The following HCN1 variants were observed in gnomAD, a reference collection of about 807,000 sequenced individuals.
HCN1 encodes hyperpolarization activated cyclic nucleotide gated potassium channel 1, also known as potassium/sodium hyperpolarization-activated cyclic nucleotide-gated channel 1.
Under a neutral mutation model 78.9 loss-of-function variants are expected in HCN1, and 13 were observed. That is an observed-to-expected ratio of 0.16 (90% CI 0.11 to 0.26). The LOEUF is 0.26. HCN1 is among the 10% of genes least tolerant of loss of function. The probability of loss-of-function intolerance (pLI) is 1.00; values close to 1 mark genes in which losing one functional copy is unlikely to be tolerated. For synonymous variants in HCN1, 552 were observed against 455.5 expected, an observed-to-expected ratio of 1.21 and a Z score of -2.70; for missense variants, 810 against 1,154.3, an observed-to-expected ratio of 0.70 and a Z score of 4.32.
chr5:45,651,668 C>T (rs1366530362), intron 1 of HCN1, among the ~76,000 whole-genome samples: 1 of 151,884 alleles, frequency 6.6e-6, no homozygotes, highest in African/African-American at 2.4e-5. Flanking sequence ...CTCTTAAATG[C>T]TAGGTCCTCT....
At chr5:45,377,736 G>T (rs1747713248) in intron 4 of HCN1, among the ~76,000 whole-genome samples, 1 of 151,962 alleles carries the variant, frequency 6.6e-6, no homozygotes, top group South Asian at 2.1e-4. Flanking sequence ...TAGAAGTCAG[G>T]TAGGTATGTG....
In HCN1 at chr5:45,386,142, T is replaced by C. The variant is rs190449387; in HGVS notation, c.1230+10350A>G. ...TGCTGAATATTATACTTATTGTACT[T>C]ACCATTTTTCTGTTCCTCCTTCTTG... On this transcript the variant is annotated intron_variant, in intron 4 of 7. Coordinates refer to ENST00000303230, the MANE Select transcript of HCN1 (RefSeq NM_021072.4). 7.2e-5 allele frequency among the ~76,000 whole-genome samples: 11 copies of C among 152,070 alleles called. No homozygotes were observed. The East Asian group carries it at 2.1e-3, about 29-fold the overall frequency.
At chr5:45,311,076 T>C (rs77449460) in intron 5 of HCN1, among the ~76,000 whole-genome samples, 1 of 152,066 alleles carries the variant, frequency 6.6e-6, no homozygotes, top group African/African-American at 2.4e-5. Flanking sequence ...AATGCCTGAG[T>C]GATGAAATAA....
intron 4 of HCN1, among the ~76,000 whole-genome samples, chr5:45,368,397 G>A (rs550333707): frequency 6.6e-6 from 1 of 151,978 alleles, no homozygotes; most frequent in African/African-American, 2.4e-5. Context: ...TAAGATGGTG[G>A]GCTAAGGATG....
At chr5:45,451,775 GA>G (rs1382659853) in intron 3 of HCN1, among the ~76,000 whole-genome samples, 2 of 151,860 alleles carry the variant, frequency 1.3e-5, no homozygotes, top group Non-Finnish European at 2.9e-5. Flanking sequence ...GGAAAATTAA[GA>G]AGGTCAAATT....
In HCN1 at chr5:45,260,821, T is replaced by C. The variant is rs1744723348; in HGVS notation, c.*1100A>G. On this transcript the variant is annotated 3_prime_UTR_variant, in exon 8 of 8. Coordinates refer to ENST00000303230, the MANE Select transcript of HCN1 (RefSeq NM_021072.4). Reference sequence around the variant, plus strand: ...TAGGAATTATAAGATAGGCAATTAATGAATTGTTATGCTTTTCTAGAAACG... The same window carrying C: ...TAGGAATTATAAGATAGGCAATTAACGAATTGTTATGCTTTTCTAGAAACG... The C allele has an allele frequency of 1.3e-5, 2 of 152,604 alleles. No homozygotes were observed. The highest frequency in any genetic ancestry group is 2.9e-5 in the Non-Finnish European group (2 of 68,028). 9.5% of individuals were successfully genotyped at this position (152,604 alleles called of 1,614,324 possible).
At chr5:45,398,125 C>G (rs970698095) in intron 3 of HCN1, among the ~76,000 whole-genome samples, 1 of 151,820 alleles carries the variant, frequency 6.6e-6, no homozygotes, top group Non-Finnish European at 1.5e-5. Flanking sequence ...ACATTTGGAG[C>G]TGATGATTTT....
At chr5:45,526,755 A>G (rs1287617089) in intron 2 of HCN1, among the ~76,000 whole-genome samples, 3 of 151,976 alleles carry the variant, frequency 2.0e-5, no homozygotes, top group African/African-American at 4.8e-5. Flanking sequence ...TGTACTGCCA[A>G]TCCACTTGAG....
intron 2 of HCN1, among the ~76,000 whole-genome samples, chr5:45,577,027 G>C (rs1302796185): frequency 6.6e-6 from 1 of 152,002 alleles, no homozygotes; most frequent in Non-Finnish European, 1.5e-5. Context: ...CATTCACCAA[G>C]TTTATATTCT....
chr5:45,592,126 C>T (rs961650154), intron 2 of HCN1, among the ~76,000 whole-genome samples: 1 of 152,052 alleles, frequency 6.6e-6, no homozygotes, highest in Non-Finnish European at 1.5e-5. Context: ...TATTTCTGGG[C>T]TCTGTATTCT....
intron 2 of HCN1, among the ~76,000 whole-genome samples, chr5:45,582,484 C>A (rs2111924452): frequency 6.6e-6 from 1 of 152,218 alleles, no homozygotes; most frequent in East Asian, 1.9e-4. Context: ...AATTTGACTT[C>A]CTCTTTTCCT....
At chr5:45,434,863 C>A (rs574835285) in intron 3 of HCN1, among the ~76,000 whole-genome samples, 1 of 151,958 alleles carries the variant, frequency 6.6e-6, no homozygotes, top group Admixed American at 6.6e-5. Context: ...ATTTTCATAA[C>A]ATATATATCT....
At chr5:45,519,704 C>A (rs897204928) in intron 2 of HCN1, among the ~76,000 whole-genome samples, 4 of 151,854 alleles carry the variant, frequency 2.6e-5, no homozygotes, top group African/African-American at 9.7e-5. Context: ...TTCATAGAAT[C>A]TCATTATTCA....
chr5:45,514,139 A>G (rs1742474553), intron 2 of HCN1, among the ~76,000 whole-genome samples: 1 of 152,152 alleles, frequency 6.6e-6, no homozygotes, highest in Admixed American at 6.6e-5. Context: ...AAATTTCTCA[A>G]AATTTCTTCT....
intron 6 of HCN1, among the ~76,000 whole-genome samples, chr5:45,289,650 A>C (rs1745333458): frequency 6.6e-6 from 1 of 152,218 alleles, no homozygotes; most frequent in South Asian, 2.1e-4. Context: ...CTCAAAAGTC[A>C]AATGGGAGGC....
chr5:45,661,293 G>A (rs1379100269), intron 1 of HCN1, among the ~76,000 whole-genome samples: 2 of 126,202 alleles, frequency 1.6e-5, no homozygotes, highest in Non-Finnish European at 3.3e-5. Flanking sequence ...TCTCTGGGAC[G>A]CATTCAAAGC....
At chr5:45,373,368 A>G (rs1269913227) in intron 4 of HCN1, among the ~76,000 whole-genome samples, 3 of 117,168 alleles carry the variant, frequency 2.6e-5, no homozygotes, top group African/African-American at 1.1e-4. Context: ...TAAATATAAT[A>G]TATATTTTAT....
In HCN1 at chr5:45,399,530, G is replaced by A. The variant is rs1469153846; in HGVS notation, c.1012-2820C>T. Among the ~76,000 whole-genome samples the A allele has an allele frequency of 3.3e-5, 5 of 152,180 alleles. 1 individual carries two copies. The highest frequency in any genetic ancestry group is 3.3e-4 in the Admixed American group (5 of 15,270). Reference sequence around the variant, plus strand: ...GTCACATATCAATGAAGCCAAACCTGCATTTGTCAAATTAACTCTTAAATT... The same window carrying A: ...GTCACATATCAATGAAGCCAAACCTACATTTGTCAAATTAACTCTTAAATT... On this transcript the variant is annotated intron_variant, in intron 3 of 7. Transcript: ENST00000303230.
At chr5:45,658,995 G>C (rs963150762) in intron 1 of HCN1, among the ~76,000 whole-genome samples, 3 of 150,066 alleles carry the variant, frequency 2.0e-5, no homozygotes, top group African/African-American at 7.4e-5. Context: ...TCCACCTCTG[G>C]GGGCAGGGCA....
Sources: allele counts gnomAD v4.1 joint callset (sites outside exome capture counted in the v4.1 genomes callset), GRCh38; gene constraint gnomAD v4.1.1; transcripts MANE v1.5; gene names NCBI Gene and HGNC (gene_info 2026-07-23, HGNC 2026-07-21).